The following OR9Q1 variants were observed in gnomAD, a reference collection of about 807,000 sequenced individuals.
OR9Q1 encodes olfactory receptor family 9 subfamily Q member 1, also known as olfactory receptor 9Q1.
For synonymous variants in OR9Q1, 153 were observed against 148.6 expected (o/e 1.03, Z -0.22); for missense variants, 374 against 378.8 (o/e 0.99, Z 0.11).
intron 1 of OR9Q1, among the ~76,000 whole-genome samples, chr11:58,042,999 A>G (rs1251918080): frequency 1.3e-5 from 2 of 152,178 alleles, no homozygotes; most frequent in Non-Finnish European, 2.9e-5. Context: ...TTGATTTTAT[A>G]TCCTGAGACT....
intron 1 of OR9Q1, chr11:58,026,682 CAAAAAAAAAAAAAAAA>C (rs61606334): frequency 1.3e-5 from 1 of 77,454 alleles, no homozygotes; most frequent in African/African-American, 5.4e-5. Context: ...ACTCTGTAAC[CAAAAAAAAAAAAAAAA>C]AAAAAAAAAA....
intron 1 of OR9Q1, among the ~76,000 whole-genome samples, chr11:58,036,156 G>A (rs1853098910): frequency 6.6e-6 from 1 of 152,140 alleles, no homozygotes; most frequent in Admixed American, 6.6e-5. Flanking sequence ...GTTTTGGGGA[G>A]CTATGAACTG....
chr11:58,031,511 C>T (rs980696204), intron 1 of OR9Q1: 2 of 1,614,136 alleles, frequency 1.2e-6, no homozygotes, highest in Middle Eastern at 1.6e-4. Context: ...TGATGCCTCA[C>T]CCTTGCTAGC....
chr11:58,120,322 A>G (rs191181996), intron 2 of OR9Q1, among the ~76,000 whole-genome samples: 1 of 152,310 alleles, frequency 6.6e-6, no homozygotes. Flanking sequence ...ATTGTCCAAA[A>G]TCAAAGTTCA....
At chr11:58,087,259 A>G (rs3974323) in intron 2 of OR9Q1, among the ~76,000 whole-genome samples, 32,819 of 151,674 alleles carry the variant, frequency 0.22, 4,826 homozygotes, top group East Asian at 0.58. Flanking sequence ...ATCAAGACTC[A>G]ATACATCATC....
At chr11:58,069,841 G>C (rs1853468875) in intron 2 of OR9Q1, among the ~76,000 whole-genome samples, 1 of 151,770 alleles carries the variant, frequency 6.6e-6, no homozygotes. Context: ...CTGCATTCCA[G>C]CCTGTGTGAC....
intron 1 of OR9Q1, among the ~76,000 whole-genome samples, chr11:58,054,941 A>G (rs1352468814): frequency 1.3e-5 from 2 of 152,212 alleles, no homozygotes; most frequent in African/African-American, 4.8e-5. Context: ...AACAAGAACA[A>G]CAAAACACAA....
At chr11:58,070,139 C>A (rs1403606577) in intron 2 of OR9Q1, among the ~76,000 whole-genome samples, 2 of 151,542 alleles carry the variant, frequency 1.3e-5, no homozygotes, top group Non-Finnish European at 2.9e-5. Context: ...GTAGCTGGGA[C>A]TACAGGTGTA....
chr11:58,074,050 C>A (rs1161162276), intron 2 of OR9Q1, among the ~76,000 whole-genome samples: 4 of 152,170 alleles, frequency 2.6e-5, no homozygotes, highest in African/African-American at 7.2e-5. Context: ...TCTAGTCTAT[C>A]ATTGATGGGC....
At chr11:58,167,299 C>G (rs1228700743) in intron 2 of OR9Q1, among the ~76,000 whole-genome samples, 2 of 152,018 alleles carry the variant, frequency 1.3e-5, no homozygotes, top group African/African-American at 4.8e-5. Flanking sequence ...GTTTTTAGTA[C>G]TTTTCTGTTA....
At chr11:58,119,489 A>G in intron 2 of OR9Q1, 2 of 1,258,910 alleles carry the variant, frequency 1.6e-6, no homozygotes, top group East Asian at 2.3e-5. Context: ...ATGAAATAAA[A>G]AGAATCTCAG....
chr11:58,024,049 T>G lies in OR9Q1; in HGVS notation c.-148T>G, dbSNP rs1160012219. ...CCTTCCCGTTTGAAGATGAAGACAC[T>G]GAGGCTCAGAAAGATCAAACGCCTT... On this transcript the variant is annotated 5_prime_UTR_variant, in exon 1 of 3. Transcript: ENST00000335397. 6.6e-6 allele frequency: 1 copy of G among 152,288 alleles called. No individual in the cohort carries two copies. The highest frequency in any genetic ancestry group is 1.5e-5 in the Non-Finnish European group (1 of 68,074). 9.4% of individuals were successfully genotyped at this position (152,288 alleles called of 1,614,324 possible).
At chr11:58,146,095 C>A (rs193129995) in intron 2 of OR9Q1, among the ~76,000 whole-genome samples, 1 of 152,170 alleles carries the variant, frequency 6.6e-6, no homozygotes. Context: ...TTATTGGAAA[C>A]AATTTGATCT....
At position 58,126,929 on chromosome 11, in the gene OR9Q1, A is replaced by G. The variant is rs951414123; in HGVS notation, c.-14-52502A>G. ...TTTGATGTATAACATAATCATTACT[A>G]TTGTTATCTTTAATATTGTTATTGT... On this transcript the variant is annotated intron_variant, in intron 2 of 2. Transcript: ENST00000335397. Among the ~76,000 whole-genome samples the G allele has an allele frequency of 2.6e-5, 4 of 151,912 alleles. 1 individual carries two copies. In the South Asian group the frequency reaches 8.3e-4, roughly 32 times the overall value.
chr11:58,150,404 TG>T (rs1854339183), intron 2 of OR9Q1, among the ~76,000 whole-genome samples: 2 of 152,210 alleles, frequency 1.3e-5, no homozygotes. Flanking sequence ...CCCCAACCAC[TG>T]GGCAATATGA....
chr11:58,046,458 A>T (rs1853217461), intron 1 of OR9Q1, among the ~76,000 whole-genome samples: 1 of 152,222 alleles, frequency 6.6e-6, no homozygotes, highest in South Asian at 2.1e-4. Flanking sequence ...TCATAGAGGT[A>T]TGTGAAAAAT....
chr11:58,048,052 C>T (rs1853236170), intron 1 of OR9Q1, among the ~76,000 whole-genome samples: 1 of 152,150 alleles, frequency 6.6e-6, no homozygotes, highest in Admixed American at 6.5e-5. Context: ...AAGTGAAAGA[C>T]AAGATAATGG....
At chr11:58,080,912 C>T (rs1477521679) in intron 2 of OR9Q1, among the ~76,000 whole-genome samples, 1 of 152,160 alleles carries the variant, frequency 6.6e-6, no homozygotes, top group Non-Finnish European at 1.5e-5. Context: ...TGGTTTGCTG[C>T]ACCCATCAAC....
intron 2 of OR9Q1, among the ~76,000 whole-genome samples, chr11:58,166,828 G>C (rs1290164349): frequency 1.3e-5 from 2 of 151,840 alleles, no homozygotes; most frequent in South Asian, 2.1e-4. Context: ...CCAGGAGTAG[G>C]GGGTGGGAGG....
Sources: gnomAD v4.1 joint callset for allele counts (sites outside exome capture counted in the v4.1 genomes callset) on GRCh38, gnomAD v4.1.1 for gene constraint, MANE v1.5 for transcripts, NCBI Gene and HGNC (gene_info 2026-07-23, HGNC 2026-07-21) for gene names.